SLC39A10: variants seen among roughly 807,000 people sequenced by gnomAD.
SLC39A10 encodes the protein zinc transporter ZIP10.
SLC39A10 carries 13 observed loss-of-function variants against 65.1 expected under a neutral mutation model. The ratio of observed to expected loss-of-function variants is 0.20; its 90% confidence interval spans 0.13 to 0.32. SLC39A10 has a LOEUF of 0.32. Ranked by LOEUF, SLC39A10 falls within the 10% of genes least tolerant of loss-of-function variation. The probability of loss-of-function intolerance (pLI) is 1.00; values close to 1 mark genes in which losing one functional copy is unlikely to be tolerated. For synonymous variants in SLC39A10, 321 were observed against 342.2 expected, an observed-to-expected ratio of 0.94 and a Z score of 0.68; for missense variants, 831 against 1,018.4, an observed-to-expected ratio of 0.82 and a Z score of 2.50.
rs1293007492 is a variant in SLC39A10, at chr2:195,728,081, TTTTA to T, written c.2147-74_2147-71del. ...AAAGTGTGTATCTTTTTAATGCTGA[TTTTA>T]TTTGTTTTCTCCTTTCAGATTTGTG... On this transcript the variant is annotated intron_variant, in intron 8 of 9. Coordinates refer to ENST00000359634, the MANE Select transcript of SLC39A10 (RefSeq NM_020342.3). The surrounding 1 kb of genome is among the most constrained non-coding windows in gnomAD (Gnocchi z 4.4). 27 of 1,289,312 alleles carry T rather than the reference TTTTA, an allele frequency of 2.1e-5. No homozygotes were observed. The highest frequency in any genetic ancestry group is 4.4e-5 in the African/African-American group (3 of 67,640). 79.9% of individuals were successfully genotyped at this position (1,289,312 alleles called of 1,614,324 possible).
intron 1 of SLC39A10, among the ~76,000 whole-genome samples, chr2:195,679,697 T>C (rs530619765): frequency 1.3e-3 from 198 of 152,352 alleles, no homozygotes; most frequent in Middle Eastern, 0.01. Context: ...TTAGATACAT[T>C]CCTAGCTATT....
intron 5 of SLC39A10, among the ~76,000 whole-genome samples, chr2:195,711,062 G>A (rs1375079697): frequency 6.6e-6 from 1 of 152,148 alleles, no homozygotes; most frequent in Non-Finnish European, 1.5e-5. Flanking sequence ...CTTCTTAGTT[G>A]ATTAGATGTA....
At chr2:195,658,434 T>C (rs904989272) in intron 1 of SLC39A10, 1 of 152,224 alleles carries the variant, frequency 6.6e-6, no homozygotes, top group Admixed American at 6.5e-5. Context: ...TAGGTTATAC[T>C]GTTTTTTAAA....
At chr2:195,715,525 CA>C (rs545656309) in intron 6 of SLC39A10, among the ~76,000 whole-genome samples, 10,402 of 61,816 alleles carry the variant, frequency 0.17, 145 homozygotes, top group African/African-American at 0.29. Flanking sequence ...GACTCTGTCT[CA>C]AAAAAAAAAA....
chr2:195,688,183 A>C (rs905728319), intron 3 of SLC39A10, among the ~76,000 whole-genome samples: 8 of 152,148 alleles, frequency 5.3e-5, no homozygotes, highest in African/African-American at 1.9e-4. Flanking sequence ...GGTATTTAAT[A>C]GTTTGTATAT....
rs376327259 is a variant in SLC39A10 at position 195,625,222 on chromosome 2, A to AAAAGAAAG, written c.-12+19007_-12+19014dup. 9.2e-3 allele frequency among the ~76,000 whole-genome samples: 1,033 copies of AAAAGAAAG among 112,308 alleles called. 34 individuals carry two copies. Among genetic ancestry groups the AAAAGAAAG allele is most frequent in the African/African-American group, 0.014 (459 of 32,626 alleles). 73.7% of individuals were successfully genotyped at this position (112,308 alleles called of 152,430 possible). On this transcript the variant is annotated intron_variant, in intron 2 of 2. Transcript: ENST00000458054. ...ACAGAGGGACACTCTGTCTCAAAAA[A>AAAAGAAAG]AAAGAAAGAAAGAAAGAAAGAAAGA...
At chr2:195,677,749 ATTTTT>A (rs58648222) in intron 1 of SLC39A10, among the ~76,000 whole-genome samples, 2 of 119,048 alleles carry the variant, frequency 1.7e-5, no homozygotes. Flanking sequence ...CTTTTATCAG[ATTTTT>A]TTTTTTTTTT....
Position 195,644,160 on chromosome 2 carries a change from T to A in SLC39A10, c.-11-35872T>A, listed in dbSNP as rs745624112. Among the ~76,000 whole-genome samples, 669 of 114,412 alleles carry A rather than the reference T, an allele frequency of 5.8e-3. 4 individuals are homozygous for A. The highest frequency in any genetic ancestry group is 8.7e-3 in the Non-Finnish European group (465 of 53,590). 75.1% of individuals were successfully genotyped at this position (114,412 alleles called of 152,430 possible). A position where few individuals can be genotyped will look rare whatever the true frequency, so the allele number is the denominator to read the frequency against. On this transcript the variant is annotated intron_variant, in intron 2 of 2. Coordinates refer to the SLC39A10 transcript ENST00000458054. ...GTACATTCATTTTTTTTTTTTTTTTTAATTTCCTTCCAAGAGGATGGATTC... is the reference window on the plus strand; with the variant it reads ...GTACATTCATTTTTTTTTTTTTTTTAAATTTCCTTCCAAGAGGATGGATTC...
At chr2:195,699,689 C>T (rs1012362541) in intron 3 of SLC39A10, among the ~76,000 whole-genome samples, 31 of 151,986 alleles carry the variant, frequency 2.0e-4, no homozygotes, top group African/African-American at 7.0e-4. Flanking sequence ...ACTTAATTTG[C>T]GACCTAATAC....
chr2:195,680,317 G>A lies in SLC39A10; in HGVS notation c.275G>A (p.Gly92Glu), dbSNP rs551969264. Residue 92 changes from glycine (G) to glutamate (E), a missense_variant, in exon 2 of 10, where the codon GGA becomes GAA. Gly to Glu is a moderately conservative substitution (Grantham distance 98). Around this residue, in one of 4 missense-constraint regions of SLC39A10, gnomAD observed 446 missense variants for 499.2 expected, o/e 0.89. Transcript: ENST00000359634. ...LEKLLTNLGL[G>E]ERKVVEINHE... is the part of the protein sequence containing the mutation. Reference sequence around the variant, plus strand: ...AAACTTTTAACAAACTTGGGCCTTGGAGAGAGAAAAGTAGTTGAGATTAAT... The same window carrying A: ...AAACTTTTAACAAACTTGGGCCTTGAAGAGAGAAAAGTAGTTGAGATTAAT... 6.2e-7 allele frequency: 1 copy of A among 1,614,140 alleles called. No homozygotes were observed. The highest frequency in any genetic ancestry group is 1.3e-5 in the African/African-American group (1 of 75,042).
chr2:195,613,230 C>A (rs903038811), intron 2 of SLC39A10, among the ~76,000 whole-genome samples: 1 of 151,988 alleles, frequency 6.6e-6, no homozygotes, highest in Non-Finnish European at 1.5e-5. Context: ...ATTTCTTTCT[C>A]GGAGATGCCT....
intron 9 of SLC39A10, among the ~76,000 whole-genome samples, chr2:195,730,153 G>A (rs1399286699): frequency 6.6e-6 from 1 of 151,620 alleles, no homozygotes. Flanking sequence ...AACCTAAGCA[G>A]GTTTTCCCCC....
chr2:195,651,037 C>T (rs1689019695), intron 2 of SLC39A10, among the ~76,000 whole-genome samples: 1 of 151,650 alleles, frequency 6.6e-6, no homozygotes, highest in Non-Finnish European at 1.5e-5. Context: ...CACCACTGCA[C>T]TCCAGCCTGG....
intron 1 of SLC39A10, among the ~76,000 whole-genome samples, chr2:195,658,878 TTTTTATGTGATGAACC>T (rs1689270205): frequency 6.6e-6 from 1 of 152,228 alleles, no homozygotes; most frequent in African/African-American, 2.4e-5. Flanking sequence ...ATTTTTAACT[TTTTTATGTGATGAACC>T]ACAGAATGAT....
At chr2:195,723,931 AT>A (rs1463678673) in intron 8 of SLC39A10, among the ~76,000 whole-genome samples, 1 of 152,194 alleles carries the variant, frequency 6.6e-6, no homozygotes, top group Non-Finnish European at 1.5e-5. Context: ...AAAGAAAAAA[AT>A]ATGTAGCCAT....
At chr2:195,620,781 A>G (rs1011827002) in intron 2 of SLC39A10, among the ~76,000 whole-genome samples, 3 of 152,226 alleles carry the variant, frequency 2.0e-5, no homozygotes, top group Admixed American at 2.0e-4. Context: ...TATGGAGTGA[A>G]CAAAACAGAA....
chr2:195,730,323 CTGTT>C (rs548409354), intron 9 of SLC39A10, among the ~76,000 whole-genome samples: 5 of 151,804 alleles, frequency 3.3e-5, no homozygotes, highest in African/African-American at 9.7e-5. Context: ...CAGTAGGCTT[CTGTT>C]TGTTTGTTTA....
intron 1 of SLC39A10, among the ~76,000 whole-genome samples, chr2:195,673,656 G>A (rs1432516751): frequency 6.6e-6 from 1 of 152,060 alleles, no homozygotes; most frequent in Non-Finnish European, 1.5e-5. Context: ...GTCATTGCTG[G>A]GTCCTATCCC....
At chr2:195,616,862 C>T (rs546071544) in intron 2 of SLC39A10, among the ~76,000 whole-genome samples, 17 of 152,264 alleles carry the variant, frequency 1.1e-4, no homozygotes, top group East Asian at 9.7e-4. Flanking sequence ...CTCAGCCTCC[C>T]GAAGTTCTAG....
Sources: allele counts gnomAD v4.1 joint callset (sites outside exome capture counted in the v4.1 genomes callset), GRCh38; gene constraint gnomAD v4.1.1; regional missense constraint gnomAD v4.1.1; non-coding constraint Gnocchi (gnomAD v3.1); transcripts MANE v1.5; gene names NCBI Gene and HGNC (gene_info 2026-07-23, HGNC 2026-07-21).